RPS6KA2: variants seen among roughly 807,000 people sequenced by gnomAD.
The protein encoded by RPS6KA2 is ribosomal protein S6 kinase A2, also known as ribosomal protein S6 kinase alpha-2.
RPS6KA2 carries 42 observed loss-of-function variants against 91.8 expected under a neutral mutation model. The ratio of observed to expected loss-of-function variants is 0.46; its 90% CI spans 0.36 to 0.59. The LOEUF is 0.59. Ranked by LOEUF, RPS6KA2 falls within the 20% of genes least tolerant of loss-of-function variation. The probability of loss-of-function intolerance (pLI) is 0.00; values close to 1 mark genes in which losing one functional copy is unlikely to be tolerated. For synonymous variants in RPS6KA2, 414 were observed against 393.6 expected, an observed-to-expected ratio of 1.05 and a Z score of -0.61; for missense variants, 798 against 978.5, an observed-to-expected ratio of 0.82 and a Z score of 2.46.
intron 2 of RPS6KA2, among the ~76,000 whole-genome samples, chr6:166,788,531 T>G (rs182281495): frequency 2.2e-3 from 332 of 152,322 alleles, no homozygotes; most frequent in African/African-American, 7.4e-3. Context: ...ATCATGTTCT[T>G]TGCAGGGACA....
intron 2 of RPS6KA2, among the ~76,000 whole-genome samples, chr6:166,711,095 T>C (rs975339255): frequency 6.6e-6 from 1 of 151,576 alleles, no homozygotes; most frequent in African/African-American, 2.4e-5. Flanking sequence ...CCACTGGTGG[T>C]GGTGGAGGAC....
Position 166,413,818 on chromosome 6 carries a change from G to A in RPS6KA2, c.2052C>T (p.Ser684=). The A allele has an allele frequency of 6.2e-7, 1 of 1,614,176 alleles. No homozygotes were observed. Among genetic ancestry groups the A allele is most frequent in the Non-Finnish European group, 8.5e-7 (1 of 1,180,006 alleles). Residue 684 remains serine (S), a synonymous_variant, in exon 20 of 21, where the codon AGC becomes AGT. Coordinates refer to ENST00000265678, the MANE Select transcript of RPS6KA2 (RefSeq NM_021135.6). ...NREYLSPNQL[S]RQDVHLVKGA... The stretch of plus-strand genomic sequence containing the variant: ...CCTTCACCAGGTGCACGTCCTGTCG[G>A]CTGAGCTGGTTTGGGGACAGGTACT...
At chr6:166,543,941 G>A (rs1783741594) in intron 1 of RPS6KA2, among the ~76,000 whole-genome samples, 2 of 152,268 alleles carry the variant, frequency 1.3e-5, no homozygotes, top group Admixed American at 1.3e-4. Context: ...GCTTTATGCA[G>A]GAAGTGGGGC....
At chr6:166,702,942 G>A (rs1198116751) in intron 2 of RPS6KA2, 29 of 605,984 alleles carry the variant, frequency 4.8e-5, no homozygotes, top group Non-Finnish European at 2.9e-5. Context: ...TCGTCTTCTC[G>A]CCTTTAAAAT....
At chr6:166,787,623 G>A (rs1778967400) in intron 2 of RPS6KA2, among the ~76,000 whole-genome samples, 1 of 151,974 alleles carries the variant, frequency 6.6e-6, no homozygotes, top group Non-Finnish European at 1.5e-5. Flanking sequence ...CTAGCCATAA[G>A]CAGAAAACTG....
At chr6:166,819,323 C>A (rs1779845519) in intron 2 of RPS6KA2, among the ~76,000 whole-genome samples, 1 of 152,188 alleles carries the variant, frequency 6.6e-6, no homozygotes, top group East Asian at 1.9e-4. Flanking sequence ...TGAAAGGTAG[C>A]ATTACACATA....
intron 1 of RPS6KA2, among the ~76,000 whole-genome samples, chr6:166,859,554 C>T (rs1780996159): frequency 2.0e-5 from 3 of 152,232 alleles, no homozygotes; most frequent in Admixed American, 2.0e-4. Context: ...GCCTTGTCAA[C>T]ACACCCATTT....
At position 166,448,685 on chromosome 6, in the gene RPS6KA2, C is replaced by T; in HGVS notation, c.1332+39G>A. ...ACCACACGTGCTCCCACGCGCTGCACTCACACAGGGCCCTGCTCACTCAGC... is the reference window on the plus strand; with the variant it reads ...ACCACACGTGCTCCCACGCGCTGCATTCACACAGGGCCCTGCTCACTCAGC... On this transcript the variant is annotated intron_variant, in intron 14 of 20. Transcript: ENST00000265678. This position sits in a 1 kb window ranked among gnomAD's most constrained non-coding sequence, Gnocchi z 4.7. 4 of 1,585,618 alleles carry T rather than the reference C, an allele frequency of 2.5e-6. No homozygotes were observed. The highest frequency in any genetic ancestry group is 3.4e-6 in the Non-Finnish European group (4 of 1,163,880).
chr6:166,573,960 A>G (rs900818680), intron 1 of RPS6KA2, among the ~76,000 whole-genome samples: 5 of 152,148 alleles, frequency 3.3e-5, no homozygotes, highest in African/African-American at 1.2e-4. Flanking sequence ...GCAGCCACGC[A>G]GGATCTTTAA....
At chr6:166,722,917 G>A (rs1790220118) in intron 2 of RPS6KA2, among the ~76,000 whole-genome samples, 1 of 152,144 alleles carries the variant, frequency 6.6e-6, no homozygotes, top group African/African-American at 2.4e-5. Context: ...GAGTCCACAG[G>A]ACTCATCACA....
intron 2 of RPS6KA2, among the ~76,000 whole-genome samples, chr6:166,685,272 C>G (rs9366047): frequency 3.2e-5 from 3 of 93,218 alleles, no homozygotes; most frequent in Non-Finnish European, 6.6e-5. Context: ...CAGGCAGGAC[C>G]CTGATGGAGT....
chr6:166,612,855 G>A lies in RPS6KA2; in HGVS notation c.99+14066C>T, dbSNP rs556582532. ...TCCTCCCTCTGGCCCTGCGCACTAC[G>A]TCCCACTTGTTTCTTGACTCTTCTC... On this transcript the variant is annotated intron_variant, in intron 1 of 20. Coordinates refer to ENST00000265678, the MANE Select transcript of RPS6KA2 (RefSeq NM_021135.6). The surrounding 1 kb of genome is among the most constrained non-coding windows in gnomAD (Gnocchi z 4.3). 6.6e-5 allele frequency among the ~76,000 whole-genome samples: 10 copies of A among 152,172 alleles called. No homozygotes were observed. Among genetic ancestry groups the A allele is most frequent in the South Asian group, 6.2e-4 (3 of 4,818 alleles).
At chr6:166,594,731 G>A (rs1785482123) in intron 1 of RPS6KA2, among the ~76,000 whole-genome samples, 1 of 152,148 alleles carries the variant, frequency 6.6e-6, no homozygotes, top group South Asian at 2.1e-4. Flanking sequence ...CAAAGTGCTG[G>A]GATTACAGGC....
At chr6:166,529,713 G>C (rs1783198961) in intron 3 of RPS6KA2, among the ~76,000 whole-genome samples, 1 of 152,188 alleles carries the variant, frequency 6.6e-6, no homozygotes, top group African/African-American at 2.4e-5. Flanking sequence ...CATCTTGTTT[G>C]AAAAGTCATA....
intron 16 of RPS6KA2, chr6:166,424,071 G>A (rs56379128): frequency 0.12 from 18,176 of 152,372 alleles, 3,376 homozygotes; most frequent in African/African-American, 0.4. Flanking sequence ...TTGTGAGGAC[G>A]TGTGGCGTGC....
chr6:166,752,039 G>A (rs1791303391), intron 2 of RPS6KA2, among the ~76,000 whole-genome samples: 1 of 152,252 alleles, frequency 6.6e-6, no homozygotes, highest in Non-Finnish European at 1.5e-5. Context: ...AGGAGTACCT[G>A]AGACCTCAAA....
intron 10 of RPS6KA2, among the ~76,000 whole-genome samples, chr6:166,481,487 C>T (rs1015192720): frequency 6.6e-6 from 1 of 151,822 alleles, no homozygotes; most frequent in Admixed American, 6.6e-5. Flanking sequence ...GTAGAGTGTA[C>T]GTATACCTCT....
chr6:166,588,848 C>T (rs1363701152), intron 1 of RPS6KA2, among the ~76,000 whole-genome samples: 6 of 152,174 alleles, frequency 3.9e-5, no homozygotes, highest in East Asian at 1.9e-4. Context: ...ACTGTCAACC[C>T]GGCCAGCAGA....
chr6:166,515,153 G>A (rs553321072), intron 3 of RPS6KA2, among the ~76,000 whole-genome samples: 1 of 152,310 alleles, frequency 6.6e-6, no homozygotes, highest in African/African-American at 2.4e-5. Flanking sequence ...GTGGTCCACA[G>A]TGGGAAGACC....
Sources: allele counts gnomAD v4.1 joint callset (sites outside exome capture counted in the v4.1 genomes callset), GRCh38; gene constraint gnomAD v4.1.1; non-coding constraint Gnocchi (gnomAD v3.1); transcripts MANE v1.5; gene names NCBI Gene and HGNC (gene_info 2026-07-23, HGNC 2026-07-21).